The following AFAP1 variants were observed in gnomAD, a reference collection of about 807,000 sequenced individuals.
AFAP1 encodes the protein actin filament associated protein 1.
Under a neutral mutation model 93.9 loss-of-function variants are expected in AFAP1, and 75 were observed. That is an observed-to-expected ratio of 0.80 (90% CI 0.66 to 0.97). The LOEUF is 0.97. AFAP1 is among the 50% of genes least tolerant of loss of function. The pLI is 0.00. For missense variants in AFAP1, 1,201 were observed against 1,050.8 expected (o/e 1.14, Z -1.98); for synonymous variants, 517 against 430.7 (o/e 1.20, Z -2.48).
At chr4:7,907,680 T>A (rs1719494770) in intron 1 of AFAP1, among the ~76,000 whole-genome samples, 1 of 152,170 alleles carries the variant, frequency 6.6e-6, no homozygotes, top group African/African-American at 2.4e-5. Flanking sequence ...AGCTCAGATT[T>A]TGGATTTTTG....
At chr4:7,790,461 G>A (rs975750940) in intron 11 of AFAP1, among the ~76,000 whole-genome samples, 4 of 152,114 alleles carry the variant, frequency 2.6e-5, no homozygotes, top group Non-Finnish European at 5.9e-5. Flanking sequence ...GTATTCTAGG[G>A]CAACGATTTT....
At chr4:7,826,494 C>G (rs1303944877) in intron 6 of AFAP1, among the ~76,000 whole-genome samples, 1 of 152,238 alleles carries the variant, frequency 6.6e-6, no homozygotes, top group African/African-American at 2.4e-5. Context: ...AGAGGCAAGA[C>G]TGCAGAGAAA....
At chr4:7,889,689 CGTTTTT>C (rs1718336952) in intron 1 of AFAP1, among the ~76,000 whole-genome samples, 1 of 88,982 alleles carries the variant, frequency 1.1e-5, no homozygotes, top group Admixed American at 1.1e-4. Flanking sequence ...CTCAATGAAG[CGTTTTT>C]TTTTTTTTTA....
At chr4:7,849,038 C>G (rs544896385) in intron 4 of AFAP1, among the ~76,000 whole-genome samples, 2 of 152,272 alleles carry the variant, frequency 1.3e-5, no homozygotes, top group Non-Finnish European at 2.9e-5. Context: ...TCTCTCCACC[C>G]AAATGACACA....
intron 11 of AFAP1, 103 bp downstream of exon 11, chr4:7,793,578 T>C: frequency 8.0e-7 from 1 of 1,249,464 alleles, no homozygotes; most frequent in Non-Finnish European, 1.0e-6. Flanking sequence ...GTCTTTAGTT[T>C]TTCTTCTGGG....
chr4:7,873,324 TA>T (rs1470940397), intron 1 of AFAP1, among the ~76,000 whole-genome samples: 2 of 139,876 alleles, frequency 1.4e-5, no homozygotes, highest in East Asian at 4.4e-4. Flanking sequence ...TTCTTAAATC[TA>T]ACCTTTGAAG....
chr4:7,837,744 C>T (rs772166030), intron 6 of AFAP1, among the ~76,000 whole-genome samples: 1 of 152,268 alleles, frequency 6.6e-6, no homozygotes, highest in Non-Finnish European at 1.5e-5. Context: ...TAGGGCTGGA[C>T]ACGATGGCTC....
Position 7,855,588 on chromosome 4 carries a change from G to A in AFAP1, c.226-14C>T, listed in dbSNP as rs1560201875. The stretch of plus-strand genomic sequence containing the variant: ...ACTGTCAGGAGGCTGAGGAAGAAAG[G>A]AAAAGTGACACAGAAATTAGCATGA... On this transcript the variant is annotated splice_polypyrimidine_tract_variant and intron_variant, in intron 3 of 17. Transcript: ENST00000420658. The A allele has an allele frequency of 6.3e-7, 1 of 1,578,824 alleles. No homozygotes were observed. Among genetic ancestry groups the A allele is most frequent in the African/African-American group, 1.3e-5 (1 of 74,218 alleles).
intron 6 of AFAP1, among the ~76,000 whole-genome samples, chr4:7,833,039 CTA>C (rs1489628616): frequency 6.6e-6 from 1 of 152,150 alleles, no homozygotes; most frequent in Non-Finnish European, 1.5e-5. Flanking sequence ...AGACCTGAAA[CTA>C]TAAAAATTCT....
At chr4:7,871,243 T>C (rs2149182196) in intron 2 of AFAP1, among the ~76,000 whole-genome samples, 1 of 152,304 alleles carries the variant, frequency 6.6e-6, no homozygotes, top group Middle Eastern at 3.4e-3. Flanking sequence ...CTGGCAAGGC[T>C]GGCCCTGGCT....
intron 9 of AFAP1, among the ~76,000 whole-genome samples, chr4:7,801,180 C>T (rs1418890655): frequency 6.6e-6 from 1 of 152,112 alleles, no homozygotes; most frequent in Non-Finnish European, 1.5e-5. Context: ...CACTAAGATC[C>T]CCAGCGCTGG....
chr4:7,852,333 A>G (rs1714532713), intron 4 of AFAP1, among the ~76,000 whole-genome samples: 1 of 152,186 alleles, frequency 6.6e-6, no homozygotes, highest in Non-Finnish European at 1.5e-5. Flanking sequence ...AGATATGGCA[A>G]TGGTTTCATT....
chr4:7,882,142 A>G (rs898381389), intron 1 of AFAP1, among the ~76,000 whole-genome samples: 6 of 152,170 alleles, frequency 3.9e-5, no homozygotes, highest in Non-Finnish European at 8.8e-5. Context: ...CACACCCTCC[A>G]CAAGAAAAGT....
chr4:7,818,958 C>T, intron 7 of AFAP1, 118 bp downstream of exon 7: 1 of 921,284 alleles, frequency 1.1e-6, no homozygotes, highest in Non-Finnish European at 1.6e-6. Flanking sequence ...AGCACGACTG[C>T]ACTTTTTCTT....
rs1716678143 is a variant in AFAP1, at chr4:7,868,530, T to C, written c.225+92A>G. 5.4e-6 allele frequency: 6 copies of C among 1,113,882 alleles called. No individual in the cohort carries two copies. In the East Asian group the frequency reaches 1.5e-4, roughly 28 times the overall value. The allele number at this position is 1,113,882 out of a possible 1,614,324, so 69.0% of individuals were successfully genotyped here. On this transcript the variant is annotated intron_variant, in intron 3 of 17. Coordinates refer to ENST00000420658, the MANE Select transcript of AFAP1 (RefSeq NM_001134647.2). ...TCGAGACAAATAAGGGCTCCATTCT[T>C]CCACACCGGGCTTCCATCACAGGCC...
At chr4:7,862,398 G>T (rs1715817593) in intron 3 of AFAP1, 2 of 91,940 alleles carry the variant, frequency 2.2e-5, no homozygotes, top group South Asian at 4.9e-4. Context: ...GGAGTTGGGG[G>T]CGGGGGGGGG....
chr4:7,861,802 T>C (rs1314817509), intron 3 of AFAP1, among the ~76,000 whole-genome samples: 2 of 152,252 alleles, frequency 1.3e-5, no homozygotes, highest in African/African-American at 4.8e-5. Context: ...GCAAACAAGA[T>C]GGCTCACATC....
chr4:7,784,059 G>A (rs969976008), intron 12 of AFAP1, among the ~76,000 whole-genome samples: 1 of 112,320 alleles, frequency 8.9e-6, no homozygotes, highest in African/African-American at 3.8e-5. Flanking sequence ...ATCTAGGGCA[G>A]GAACTAGCCT....
chr4:7,913,377 G>C (rs1017801124), intron 1 of AFAP1, among the ~76,000 whole-genome samples: 2 of 128,594 alleles, frequency 1.6e-5, no homozygotes, highest in Non-Finnish European at 3.1e-5. Flanking sequence ...GAGACAGTAA[G>C]ACCCTGTCTC....
Sources: allele counts gnomAD v4.1 joint callset (sites outside exome capture counted in the v4.1 genomes callset), GRCh38; gene constraint gnomAD v4.1.1; transcripts MANE v1.5; gene names NCBI Gene and HGNC (gene_info 2026-07-23, HGNC 2026-07-21).